CNTN1: variants seen among roughly 807,000 people sequenced by gnomAD.
The protein encoded by CNTN1 is contactin-1.
A neutral mutation model predicts 126.4 loss-of-function variants in CNTN1; 38 were observed. That is an observed-to-expected ratio of 0.30 (90% CI 0.23 to 0.39). The LOEUF is 0.39. Among genes scored for constraint, CNTN1 ranks in the 10% least tolerant of loss-of-function variants. The pLI, the probability that CNTN1 is intolerant of heterozygous loss-of-function variation, is 1.00. For missense variants in CNTN1, 1,009 were observed against 1,248.4 expected (o/e 0.81, Z 2.89); for synonymous variants, 413 against 422.6 (o/e 0.98, Z 0.28).
intron 7 of CNTN1, among the ~76,000 whole-genome samples, chr12:40,931,789 T>G (rs1276170085): frequency 3.9e-5 from 6 of 151,970 alleles, no homozygotes; most frequent in Non-Finnish European, 8.8e-5. Context: ...TCAGCAGGCC[T>G]GGAATATGAC....
intron 12 of CNTN1, among the ~76,000 whole-genome samples, chr12:40,941,589 T>G (rs1381437529): frequency 6.6e-6 from 1 of 152,134 alleles, no homozygotes; most frequent in Non-Finnish European, 1.5e-5. Context: ...ATGATATATT[T>G]TCTGCAGCAG....
intron 16 of CNTN1, among the ~76,000 whole-genome samples, chr12:40,992,168 T>C (rs1357387653): frequency 6.6e-6 from 1 of 152,158 alleles, no homozygotes; most frequent in East Asian, 1.9e-4. Context: ...GCAAAAGTAG[T>C]GTCTAGCAGA....
chr12:40,738,970 T>C (rs1030097922), intron 1 of CNTN1, among the ~76,000 whole-genome samples: 46 of 152,130 alleles, frequency 3.0e-4, no homozygotes, highest in African/African-American at 1.0e-3. Context: ...CTTCTAAAAA[T>C]ATATGCTGGA....
At chr12:41,028,169 T>C (rs1029565551) in intron 22 of CNTN1, among the ~76,000 whole-genome samples, 200 bp downstream of exon 22, 15 of 152,030 alleles carry the variant, frequency 9.9e-5, no homozygotes, top group Admixed American at 6.6e-4. Context: ...GTAGCTGGGA[T>C]TACAGGTGCC....
At chr12:40,899,763 G>T (rs550646824) in intron 1 of CNTN1, among the ~76,000 whole-genome samples, 11 of 152,178 alleles carry the variant, frequency 7.2e-5, no homozygotes, top group African/African-American at 2.6e-4. Flanking sequence ...TTCTTCAAGA[G>T]TTGCTCAGAA....
chr12:40,944,260 C>T (rs1170485579), intron 14 of CNTN1, 90 bp downstream of exon 14: 1 of 1,256,992 alleles, frequency 8.0e-7, no homozygotes, highest in Non-Finnish European at 1.1e-6. Context: ...CATTTTATAT[C>T]ATCTTTGTTT....
At chr12:40,936,987 G>A in intron 10 of CNTN1, 82 bp downstream of exon 10, 2 of 1,573,378 alleles carry the variant, frequency 1.3e-6, no homozygotes, top group Non-Finnish European at 1.7e-6. Context: ...AATTTAGCAG[G>A]AGAGACAATA....
At chr12:41,069,664 C>T (rs1001053154) in intron 23 of CNTN1, among the ~76,000 whole-genome samples, 1 of 147,546 alleles carries the variant, frequency 6.8e-6, no homozygotes, top group Non-Finnish European at 1.5e-5. Flanking sequence ...TGACATTTTG[C>T]CTTCTGGTAG....
At chr12:40,770,474 T>C (rs991799898) in intron 1 of CNTN1, among the ~76,000 whole-genome samples, 2 of 152,178 alleles carry the variant, frequency 1.3e-5, no homozygotes, top group Admixed American at 1.3e-4. Flanking sequence ...ATTTCTATGG[T>C]AAACTTTTGT....
At chr12:40,788,464 G>A (rs1940108346) in intron 1 of CNTN1, among the ~76,000 whole-genome samples, 1 of 151,980 alleles carries the variant, frequency 6.6e-6, no homozygotes, top group African/African-American at 2.4e-5. Flanking sequence ...TTCTGAGCCT[G>A]GCCATGCTCT....
chr12:41,039,831 G>C (rs959047635), intron 23 of CNTN1, among the ~76,000 whole-genome samples: 7 of 151,912 alleles, frequency 4.6e-5, no homozygotes, highest in African/African-American at 1.7e-4. Flanking sequence ...ATTACTTCTA[G>C]TTAAAGAATA....
chr12:41,008,011 A>G lies in CNTN1; in HGVS notation c.2114-6217A>G, dbSNP rs994125143. 4.6e-5 allele frequency among the ~76,000 whole-genome samples: 7 copies of G among 152,306 alleles called. 1 individual carries two copies. Among genetic ancestry groups the G allele is most frequent in the African/African-American group, 1.4e-4 (6 of 41,566 alleles). ...CTGCCTAAGTGATTTCTTAACTTCT[A>G]TATCGTTCCCCCCTCTGGAGTGGTA... On this transcript the variant is annotated intron_variant, in intron 17 of 23. Coordinates refer to ENST00000551295, the MANE Select transcript of CNTN1 (RefSeq NM_001843.4).
At chr12:40,849,879 A>T (rs1042728818) in intron 1 of CNTN1, among the ~76,000 whole-genome samples, 1 of 152,016 alleles carries the variant, frequency 6.6e-6, no homozygotes, top group African/African-American at 2.4e-5. Flanking sequence ...TATATGGTAC[A>T]TACAGTATAT....
At chr12:40,829,573 A>T (rs1377317070) in intron 1 of CNTN1, among the ~76,000 whole-genome samples, 1 of 152,112 alleles carries the variant, frequency 6.6e-6, no homozygotes, top group Non-Finnish European at 1.5e-5. Flanking sequence ...CATTTTATGC[A>T]TTTCAATTCT....
intron 1 of CNTN1, among the ~76,000 whole-genome samples, chr12:40,845,384 G>C (rs1407761677): frequency 6.6e-6 from 1 of 152,096 alleles, no homozygotes; most frequent in African/African-American, 2.4e-5. Flanking sequence ...CAAGAAGAAT[G>C]AACACAGGTT....
chr12:40,876,625 T>C (rs1292657385), intron 1 of CNTN1, among the ~76,000 whole-genome samples: 1 of 152,144 alleles, frequency 6.6e-6, no homozygotes, highest in East Asian at 1.9e-4. Context: ...AAATTAAATA[T>C]CTTATTCCAT....
chr12:40,943,543 T>C, intron 12 of CNTN1, 54 bp from the exon 13 acceptor site: 2 of 1,303,804 alleles, frequency 1.5e-6, no homozygotes, highest in South Asian at 1.2e-5. Context: ...TAAGACATAA[T>C]AATGTATTTT....
rs1747828532 is a variant in CNTN1 at position 41,016,729 on chromosome 12, G to A, written c.2232G>A (p.Val744=). The A allele has an allele frequency of 6.2e-7, 1 of 1,614,086 alleles. No individual in the cohort carries two copies. The highest frequency in any genetic ancestry group is 8.5e-7 in the Non-Finnish European group (1 of 1,180,002). Residue 744 remains valine, a synonymous_variant, in exon 19 of 24, where the codon GTG becomes GTA. Coordinates refer to ENST00000551295, the MANE Select transcript of CNTN1 (RefSeq NM_001843.4). Reference sequence around the variant, plus strand: ...ATGGCAACAATTTTGGTTACATAGTGGCATTTAAGCCATTTGATGGAGAAG... The same window carrying A: ...ATGGCAACAATTTTGGTTACATAGTAGCATTTAAGCCATTTGATGGAGAAG... The part of the protein sequence containing the change: ...YHYGNNFGYI[V]AFKPFDGEEW...
intron 1 of CNTN1, among the ~76,000 whole-genome samples, chr12:40,907,210 C>T (rs531642278): frequency 6.6e-6 from 1 of 152,250 alleles, no homozygotes; most frequent in Non-Finnish European, 1.5e-5. Context: ...ATGCAACACT[C>T]CTGTATAAGG....
Sources: allele counts gnomAD v4.1 joint callset (sites outside exome capture counted in the v4.1 genomes callset), GRCh38; gene constraint gnomAD v4.1.1; transcripts MANE v1.5; gene names NCBI Gene and HGNC (gene_info 2026-07-23, HGNC 2026-07-21).